Variants in NUDT4 observed in about 807,000 individuals in gnomAD.
NUDT4 encodes diphosphoinositol polyphosphate phosphohydrolase 2.
A neutral mutation model predicts 23.1 loss-of-function variants in NUDT4; 5 were observed. The observed-to-expected ratio is 0.22, with a 90% confidence interval of 0.11 to 0.46. The LOEUF (loss-of-function observed/expected upper bound fraction) is 0.46, where lower values mean the gene tolerates loss of function less well. Among genes scored for constraint, NUDT4 ranks in the 20% least tolerant of loss-of-function variants. The pLI is 0.99. For missense variants in NUDT4, 96 were observed against 211.6 expected (o/e 0.45, Z 3.39); for synonymous variants, 50 against 79.0 (o/e 0.63, Z 1.95).
rs1877778290 is a variant in NUDT4 at position 93,405,797 on chromosome 12, A to G, written c.*6418A>G. 6.6e-6 allele frequency: 1 copy of G among 152,206 alleles called. No individual in the cohort carries two copies. Among genetic ancestry groups the G allele is most frequent in the Admixed American group, 6.5e-5 (1 of 15,288 alleles). 9.4% of individuals were successfully genotyped at this position (152,206 alleles called of 1,614,324 possible). On this transcript the variant is annotated 3_prime_UTR_variant, in exon 5 of 5. Transcript: ENST00000415493. ...ATAAACCCTCATATAATTCCCTAAG[A>G]TGGGTGGCATGCCAAGTAGCTAAAT... is the stretch of plus-strand genomic sequence containing the variant.
At chr12:93,382,502 A>G (rs1472085407) in intron 1 of NUDT4, among the ~76,000 whole-genome samples, 2 of 152,098 alleles carry the variant, frequency 1.3e-5, no homozygotes, top group Non-Finnish European at 2.9e-5. Flanking sequence ...TACTAATTCA[A>G]AATATTACTA....
At chr12:93,380,506 G>T (rs971795717) in intron 1 of NUDT4, among the ~76,000 whole-genome samples, 1 of 152,194 alleles carries the variant, frequency 6.6e-6, no homozygotes, top group Non-Finnish European at 1.5e-5. Context: ...AAAATCCATT[G>T]TATAAAACTT....
At chr12:93,395,758 G>A (rs1041095820) in intron 3 of NUDT4, among the ~76,000 whole-genome samples, 1 of 152,012 alleles carries the variant, frequency 6.6e-6, no homozygotes, top group African/African-American at 2.4e-5. Context: ...GTCTCGCTCT[G>A]TCGCCAGGCT....
At chr12:93,392,249 C>G (rs1197354034) in intron 1 of NUDT4, among the ~76,000 whole-genome samples, 3 of 138,400 alleles carry the variant, frequency 2.2e-5, no homozygotes, top group Admixed American at 7.2e-5. Flanking sequence ...TGTTTCCCCC[C>G]CCCCCTTTTT....
chr12:93,387,417 C>G (rs1284202356), intron 1 of NUDT4, among the ~76,000 whole-genome samples: 1 of 152,146 alleles, frequency 6.6e-6, no homozygotes, highest in Admixed American at 6.5e-5. Context: ...GACAGTACTC[C>G]ACTACGGTGC....
chr12:93,392,721 G>C (rs1424114684), intron 1 of NUDT4, among the ~76,000 whole-genome samples: 1 of 111,606 alleles, frequency 9.0e-6, no homozygotes, highest in African/African-American at 3.6e-5. Flanking sequence ...GCCCAGGCTG[G>C]AGTGCAGTGG....
At chr12:93,378,611 A>T (rs1402826957) in intron 1 of NUDT4, 190 bp downstream of exon 1, 1 of 1,240,002 alleles carries the variant, frequency 8.1e-7, no homozygotes, top group Admixed American at 4.1e-5. Context: ...CTGATAGATG[A>T]GACAAAGGGG....
intron 3 of NUDT4, 32 bp from the exon 4 acceptor site, chr12:93,398,739 A>G: frequency 1.3e-6 from 2 of 1,487,962 alleles, no homozygotes; most frequent in South Asian, 2.3e-5. Context: ...GCTCCTGTAG[A>G]TTAAAATGCA....
intron 1 of NUDT4, among the ~76,000 whole-genome samples, chr12:93,383,086 T>C (rs192099679): frequency 9.0e-4 from 137 of 152,174 alleles, no homozygotes; most frequent in Middle Eastern, 3.4e-3. Flanking sequence ...TTTTTTTTTT[T>C]TTCTTAGGGT....
intron 4 of NUDT4, 60 bp downstream of exon 4, chr12:93,398,915 T>A: frequency 4.3e-6 from 5 of 1,170,842 alleles, no homozygotes; most frequent in Non-Finnish European, 1.3e-6. Flanking sequence ...AAGATTCTGT[T>A]AATATAGGTA....
intron 3 of NUDT4, among the ~76,000 whole-genome samples, chr12:93,398,076 C>T (rs893663979): frequency 2.0e-5 from 3 of 151,980 alleles, no homozygotes; most frequent in Non-Finnish European, 4.4e-5. Context: ...GGTAAGGTGG[C>T]TCACACCTGT....
At position 93,402,976 on chromosome 12, in the gene NUDT4, C is replaced by G. The variant is rs12819043; in HGVS notation, c.*3597C>G. The G allele has an allele frequency of 6.6e-6, 1 of 151,666 alleles. No homozygotes were observed. The highest frequency in any genetic ancestry group is 2.4e-5 in the African/African-American group (1 of 41,286). The allele number at this position is 151,666 out of a possible 1,614,324, so 9.4% of individuals were successfully genotyped here. A position where few individuals can be genotyped will look rare whatever the true frequency, so the allele number is the denominator to read the frequency against. On this transcript the variant is annotated 3_prime_UTR_variant, in exon 5 of 5. Coordinates refer to ENST00000415493, the MANE Select transcript of NUDT4 (RefSeq NM_019094.6). ...TAGTTGGAGGGCATGAGAAACTTGGCCCTTTCCAATGTTGTCTTCACATTG... is the reference window on the plus strand; with the variant it reads ...TAGTTGGAGGGCATGAGAAACTTGGGCCTTTCCAATGTTGTCTTCACATTG...
chr12:93,400,109 A>G lies in NUDT4; in HGVS notation c.*730A>G, dbSNP rs1877273956. On this transcript the variant is annotated 3_prime_UTR_variant, in exon 5 of 5. Coordinates refer to ENST00000415493, the MANE Select transcript of NUDT4 (RefSeq NM_019094.6). ...AATATTAGCAAAATGCATGTAGTAA[A>G]GACATCTTATGAAAACTGTATTCAT... 1 of 148,762 alleles carries G rather than the reference A, an allele frequency of 6.7e-6. No individual in the cohort carries two copies. The highest frequency in any genetic ancestry group is 6.8e-5 in the Admixed American group (1 of 14,720). 9.2% of individuals were successfully genotyped at this position (148,762 alleles called of 1,614,324 possible). A position where few individuals can be genotyped will look rare whatever the true frequency, so the allele number is the denominator to read the frequency against.
At chr12:93,382,611 T>G (rs1367405274) in intron 1 of NUDT4, among the ~76,000 whole-genome samples, 2 of 151,938 alleles carry the variant, frequency 1.3e-5, no homozygotes, top group Admixed American at 6.6e-5. Flanking sequence ...AGTTAAGTCC[T>G]TGAAGGTATT....
chr12:93,394,849 T>A (rs1876817137), intron 2 of NUDT4, 130 bp downstream of exon 2: 6 of 402,250 alleles, frequency 1.5e-5, no homozygotes, highest in Non-Finnish European at 2.3e-5. Context: ...TTAATTTTAA[T>A]TTTTTTTTTT....
At chr12:93,389,429 TATATC>T (rs1005656356) in intron 1 of NUDT4, among the ~76,000 whole-genome samples, 1 of 150,354 alleles carries the variant, frequency 6.7e-6, no homozygotes. Flanking sequence ...CCGAGATTCT[TATATC>T]ATAAATTACT....
intron 3 of NUDT4, among the ~76,000 whole-genome samples, chr12:93,398,166 C>CAT (rs1877068177): frequency 6.6e-6 from 1 of 151,310 alleles, no homozygotes; most frequent in African/African-American, 2.4e-5. Context: ...ATGGTGAAAC[C>CAT]CCGTCTGTAC....
At position 93,394,659 on chromosome 12, in the gene NUDT4, A is replaced by G. The variant is rs769872584; in HGVS notation, c.150A>G (p.Gly50=). 2 of 1,556,002 alleles carry G rather than the reference A, an allele frequency of 1.3e-6. No individual in the cohort carries two copies. Residue 50 remains glycine (G), a synonymous_variant, in exon 2 of 5, where the codon GGA becomes GGG. Coordinates refer to ENST00000415493, the MANE Select transcript of NUDT4 (RefSeq NM_019094.6). The part of the protein sequence containing the change: ...SRYPDQWIVP[G]GGMEPEEEPG... ...ACCCAGACCAGTGGATTGTCCCAGG[A>G]GGAGGAATGGAACCCGAGGAGGAAC...
rs1877708391 is a variant in NUDT4 at position 93,404,767 on chromosome 12, G to T, written c.*5388G>T. The T allele has an allele frequency of 6.6e-6, 1 of 152,116 alleles. No homozygotes were observed. The highest frequency in any genetic ancestry group is 1.5e-5 in the Non-Finnish European group (1 of 68,008). The allele number at this position is 152,116 out of a possible 1,614,324, so 9.4% of individuals were successfully genotyped here. ...TGAGGTTGTACAGATTGTAGATTTT[G>T]TTTTTAAACGCCTGTATGGTTTAAA... On this transcript the variant is annotated 3_prime_UTR_variant, in exon 5 of 5. Coordinates refer to ENST00000415493, the MANE Select transcript of NUDT4 (RefSeq NM_019094.6).
Sources: allele counts gnomAD v4.1 joint callset (sites outside exome capture counted in the v4.1 genomes callset), GRCh38; gene constraint gnomAD v4.1.1; transcripts MANE v1.5; gene names NCBI Gene and HGNC (gene_info 2026-07-23, HGNC 2026-07-21).